The following PARD3B variants were observed in gnomAD, a reference collection of about 807,000 sequenced individuals.
The protein encoded by PARD3B is partitioning defective 3 homolog B.
A neutral mutation model predicts 130.2 loss-of-function variants in PARD3B; 103 were observed. That is an observed-to-expected ratio of 0.79 (90% CI 0.67 to 0.93). The LOEUF (loss-of-function observed/expected upper bound fraction) is 0.93, where lower values mean the gene tolerates loss of function less well. PARD3B is among the 40% of genes least tolerant of loss of function. The pLI, the probability that PARD3B is intolerant of heterozygous loss-of-function variation, is 0.00. For synonymous variants in PARD3B, 583 were observed against 553.2 expected (o/e 1.05, Z -0.76); for missense variants, 1,609 against 1,499.2 (o/e 1.07, Z -1.21).
At chr2:204,564,168 GGTGGAGT>G (rs1181420316) in intron 1 of PARD3B, among the ~76,000 whole-genome samples, 1 of 152,214 alleles carries the variant, frequency 6.6e-6, no homozygotes, top group African/African-American at 2.4e-5. Context: ...ACAGGTGGCA[GGTGGAGT>G]GTTTTGGAGC....
intron 3 of PARD3B, among the ~76,000 whole-genome samples, chr2:205,026,150 A>G (rs566976690): frequency 2.5e-4 from 38 of 152,250 alleles, no homozygotes; most frequent in African/African-American, 8.7e-4. Context: ...ATGAAACAGG[A>G]TAAAGGAATA....
chr2:205,594,820 C>T (rs1307694108), intron 22 of PARD3B, among the ~76,000 whole-genome samples: 1 of 152,092 alleles, frequency 6.6e-6, no homozygotes, highest in East Asian at 1.9e-4. Context: ...TAGAGTAGGA[C>T]ATTTAGGGTC....
chr2:204,953,065 T>TAG (rs1452969964), intron 2 of PARD3B, among the ~76,000 whole-genome samples: 2 of 148,310 alleles, frequency 1.3e-5, no homozygotes, highest in African/African-American at 5.0e-5. Context: ...CGTATATATA[T>TAG]AGAGAGAGAG....
intron 1 of PARD3B, among the ~76,000 whole-genome samples, chr2:204,676,844 A>G (rs2036573931): frequency 6.6e-6 from 1 of 151,570 alleles, no homozygotes; most frequent in Non-Finnish European, 1.5e-5. Context: ...TAATTTTTAT[A>G]TTTTTAGTAG....
At chr2:204,750,803 A>ATT (rs1455989668) in intron 2 of PARD3B, among the ~76,000 whole-genome samples, 2 of 152,158 alleles carry the variant, frequency 1.3e-5, no homozygotes, top group African/African-American at 2.4e-5. Context: ...CTTTAAAATT[A>ATT]TTTTTAAAGT....
Position 204,875,585 on chromosome 2 carries a change from T to C in PARD3B, c.223-89567T>C, listed in dbSNP as rs2045809801. Among the ~76,000 whole-genome samples, 3 of 152,106 alleles carry C rather than the reference T, an allele frequency of 2.0e-5. 1 individual carries two copies. The South Asian group carries it at 6.2e-4, about 31-fold the overall frequency. On this transcript the variant is annotated intron_variant, in intron 2 of 22. Coordinates refer to ENST00000406610, the MANE Select transcript of PARD3B (RefSeq NM_001302769.2). ...CCAGCCTGGAGACCACTTTGAGCAGTGTGGTAAGAGACTTTGGTTGGCCTG... is the reference window on the plus strand; with the variant it reads ...CCAGCCTGGAGACCACTTTGAGCAGCGTGGTAAGAGACTTTGGTTGGCCTG...
chr2:205,071,290 T>C (rs193050653), intron 4 of PARD3B, among the ~76,000 whole-genome samples: 1 of 152,310 alleles, frequency 6.6e-6, no homozygotes, highest in Admixed American at 6.5e-5. Context: ...CCAAGATCAC[T>C]ATATACCTTC....
intron 22 of PARD3B, among the ~76,000 whole-genome samples, chr2:205,560,885 A>G (rs1406344402): frequency 6.6e-6 from 1 of 152,210 alleles, no homozygotes; most frequent in Non-Finnish European, 1.5e-5. Flanking sequence ...TTTGCTTTCT[A>G]AGTACATTCC....
chr2:204,775,053 T>C (rs1246715173), intron 2 of PARD3B, among the ~76,000 whole-genome samples: 1 of 152,092 alleles, frequency 6.6e-6, no homozygotes, highest in East Asian at 1.9e-4. Flanking sequence ...CTAACACAAA[T>C]AGCTATTACC....
At chr2:205,136,777 G>C (rs943168091) in intron 10 of PARD3B, among the ~76,000 whole-genome samples, 4 of 152,310 alleles carry the variant, frequency 2.6e-5, no homozygotes, top group Admixed American at 6.5e-5. Flanking sequence ...GAAATGAAAT[G>C]TTCTCTTCTA....
intron 16 of PARD3B, among the ~76,000 whole-genome samples, chr2:205,272,220 T>C (rs1055744937): frequency 1.3e-5 from 2 of 152,064 alleles, no homozygotes; most frequent in Non-Finnish European, 2.9e-5. Context: ...GATAACAAGA[T>C]TGATACCAAT....
intron 2 of PARD3B, among the ~76,000 whole-genome samples, chr2:204,945,219 ACCTTAACTTTGT>A (rs1312389664): frequency 6.6e-6 from 1 of 152,166 alleles, no homozygotes; most frequent in African/African-American, 2.4e-5. Flanking sequence ...GAATCTTCAA[ACCTTAACTTTGT>A]TTTCCTGAGG....
rs547507377 is a variant in PARD3B at position 205,276,662 on chromosome 2, G to A, written c.2186-23868G>A. Reference sequence around the variant, plus strand: ...AGTGGCTTGCAGCGCTTTATCAGCCGACATTTACACAGAAACTCCTGCCTC... The same window carrying A: ...AGTGGCTTGCAGCGCTTTATCAGCCAACATTTACACAGAAACTCCTGCCTC... On this transcript the variant is annotated intron_variant, in intron 16 of 22. Transcript: ENST00000406610. The surrounding 1 kb of genome is among the most constrained non-coding windows in gnomAD (Gnocchi z 5.0). Among the ~76,000 whole-genome samples, 32 of 152,280 alleles carry A rather than the reference G, an allele frequency of 2.1e-4. No individual in the cohort carries two copies. Among genetic ancestry groups the A allele is most frequent in the African/African-American group, 7.5e-4 (31 of 41,566 alleles).
At chr2:205,536,079 G>A (rs570752869) in intron 21 of PARD3B, among the ~76,000 whole-genome samples, 2 of 152,264 alleles carry the variant, frequency 1.3e-5, no homozygotes, top group East Asian at 3.9e-4. Flanking sequence ...CTTTTCATAG[G>A]TTCTTGCAGT....
chr2:204,883,455 A>ATATAAAATATATATATATTTATATATT (rs1377428928), intron 2 of PARD3B, among the ~76,000 whole-genome samples: 1 of 77,272 alleles, frequency 1.3e-5, no homozygotes, highest in Non-Finnish European at 2.3e-5. Context: ...ATATATATAT[A>ATATAAAATATATATATATTTATATATT]TTTTTTTTTT....
At chr2:204,805,033 A>G (rs2042714088) in intron 2 of PARD3B, among the ~76,000 whole-genome samples, 1 of 152,126 alleles carries the variant, frequency 6.6e-6, no homozygotes, top group Non-Finnish European at 1.5e-5. Context: ...CATGTGAAAA[A>G]GTAGAAAAGC....
At position 205,011,903 on chromosome 2, in the gene PARD3B, C is replaced by G. The variant is rs1452318321; in HGVS notation, c.395-35678C>G. 6.6e-6 allele frequency among the ~76,000 whole-genome samples: 1 copy of G among 151,910 alleles called. No homozygotes were observed. Among genetic ancestry groups the G allele is most frequent in the Non-Finnish European group, 1.5e-5 (1 of 68,008 alleles). On this transcript the variant is annotated intron_variant, in intron 3 of 22. Transcript: ENST00000406610. The surrounding 1 kb of genome is among the most constrained non-coding windows in gnomAD (Gnocchi z 4.1). ...CCAGAAAATGCAACTCTGATTTGTACAAGGAGGAGAGAAGAGAATGGGCAG... is the reference window on the plus strand; with the variant it reads ...CCAGAAAATGCAACTCTGATTTGTAGAAGGAGGAGAGAAGAGAATGGGCAG...
In PARD3B at chr2:205,230,641, G is replaced by A. The variant is rs1427771023; in HGVS notation, c.2141-15137G>A. 6.6e-6 allele frequency among the ~76,000 whole-genome samples: 1 copy of A among 152,162 alleles called. No homozygotes were observed. The highest frequency in any genetic ancestry group is 6.5e-5 in the Admixed American group (1 of 15,272). ...GCACTGCATTAGCCGCCCAACGGCT[G>A]TCTCACTAGGTTATTACCCCCCAAG... is the stretch of plus-strand genomic sequence containing the variant. On this transcript the variant is annotated intron_variant, in intron 15 of 22. Coordinates refer to ENST00000406610, the MANE Select transcript of PARD3B (RefSeq NM_001302769.2). This position sits in a 1 kb window ranked among gnomAD's most constrained non-coding sequence, Gnocchi z 4.1.
At position 204,606,094 on chromosome 2, in the gene PARD3B, T is replaced by C. The variant is rs887518481; in HGVS notation, c.120+59975T>C. On this transcript the variant is annotated intron_variant, in intron 1 of 22. Coordinates refer to ENST00000406610, the MANE Select transcript of PARD3B (RefSeq NM_001302769.2). The surrounding 1 kb of genome is among the most constrained non-coding windows in gnomAD (Gnocchi z 4.0). ...TCAGTAGATGGAAACTGGAATTTTA[T>C]ATCTCATTTCACTGTGACATGTGGT... is the stretch of plus-strand genomic sequence containing the variant. Among the ~76,000 whole-genome samples the C allele has an allele frequency of 1.3e-5, 2 of 152,194 alleles. No individual in the cohort carries two copies. Among genetic ancestry groups the C allele is most frequent in the Non-Finnish European group, 2.9e-5 (2 of 68,034 alleles).
Sources: gnomAD v4.1 joint callset for allele counts (sites outside exome capture counted in the v4.1 genomes callset) on GRCh38, gnomAD v4.1.1 for gene constraint, Gnocchi (gnomAD v3.1) non-coding constraint, MANE v1.5 for transcripts, NCBI Gene and HGNC (gene_info 2026-07-23, HGNC 2026-07-21) for gene names.